The following SUGCT variants were observed in gnomAD, a reference collection of about 807,000 sequenced individuals.
The protein encoded by SUGCT is succinyl-CoA:glutarate-CoA transferase.
A neutral mutation model predicts 55.0 loss-of-function variants in SUGCT; 41 were observed. That is an observed-to-expected ratio of 0.74 (90% confidence interval 0.58 to 0.97). The LOEUF (loss-of-function observed/expected upper bound fraction) is 0.97. Among genes scored for constraint, SUGCT ranks in the 50% least tolerant of loss-of-function variants. The pLI is 0.00. For missense variants in SUGCT, 568 were observed against 547.8 expected (o/e 1.04, Z -0.37); for synonymous variants, 187 against 200.4 (o/e 0.93, Z 0.56).
At chr7:40,189,520 A>G (rs1785764870) in intron 4 of SUGCT, 24 bp from the exon 5 acceptor site, 3 of 856,412 alleles carry the variant, frequency 3.5e-6, no homozygotes, top group Non-Finnish European at 4.7e-6. Context: ...AATAATATAT[A>G]TATATATATT....
intron 1 of SUGCT, among the ~76,000 whole-genome samples, chr7:40,143,341 T>C (rs943149004): frequency 6.6e-6 from 1 of 152,166 alleles, no homozygotes; most frequent in Non-Finnish European, 1.5e-5. Flanking sequence ...GTTGGAGACA[T>C]GAGGTAAAAT....
intron 12 of SUGCT, among the ~76,000 whole-genome samples, chr7:40,649,714 C>G (rs535539807): frequency 2.0e-5 from 3 of 152,276 alleles, no homozygotes; most frequent in African/African-American, 7.2e-5. Flanking sequence ...CTTGCTCAAA[C>G]TAAAGGCGTC....
the SUGCT span, among the ~76,000 whole-genome samples, chr7:40,999,955 C>T: frequency 6.6e-6 from 1 of 152,222 alleles, no homozygotes; most frequent in African/African-American, 2.4e-5. Context: ...GTACCATGGG[C>T]CCCAAGCACA....
At chr7:40,383,927 C>A (rs545433772) in intron 9 of SUGCT, among the ~76,000 whole-genome samples, 3 of 152,094 alleles carry the variant, frequency 2.0e-5, no homozygotes, top group African/African-American at 4.8e-5. Flanking sequence ...GATCTCCCCC[C>A]GCTGCCCCAC....
At chr7:40,153,282 C>A in intron 1 of SUGCT, 2 of 399,830 alleles carry the variant, frequency 5.0e-6, no homozygotes, top group Non-Finnish European at 4.8e-6. Flanking sequence ...GAAACTGAGC[C>A]TCAAGTGTAA....
chr7:40,972,006 A>G, the SUGCT span, among the ~76,000 whole-genome samples: 3 of 152,196 alleles, frequency 2.0e-5, no homozygotes, highest in African/African-American at 4.8e-5. Flanking sequence ...CACCACCTAG[A>G]GAAAGCTCTG....
At chr7:40,234,853 G>A (rs1562598111) in intron 6 of SUGCT, among the ~76,000 whole-genome samples, 2 of 151,894 alleles carry the variant, frequency 1.3e-5, no homozygotes, top group Non-Finnish European at 2.9e-5. Flanking sequence ...AGGTTGCGGT[G>A]AGCCCCGACG....
chr7:40,980,841 C>T, the SUGCT span, among the ~76,000 whole-genome samples: 2 of 152,136 alleles, frequency 1.3e-5, no homozygotes, highest in Admixed American at 6.5e-5. Context: ...GGACCACAGG[C>T]ACACACCACC....
chr7:40,633,588 C>G (rs1461157505), intron 12 of SUGCT, among the ~76,000 whole-genome samples: 2 of 152,148 alleles, frequency 1.3e-5, no homozygotes. Context: ...CAAAATCAAG[C>G]AATCAGGTCT....
the SUGCT span, among the ~76,000 whole-genome samples, chr7:40,931,169 A>G: frequency 6.6e-6 from 1 of 152,326 alleles, no homozygotes; most frequent in South Asian, 2.1e-4. Flanking sequence ...TTCTGCATCT[A>G]TTAAGATAAT....
At chr7:40,518,255 C>T (rs1239218659) in intron 12 of SUGCT, among the ~76,000 whole-genome samples, 1 of 152,100 alleles carries the variant, frequency 6.6e-6, no homozygotes, top group African/African-American at 2.4e-5. Flanking sequence ...GCCTTGAAAC[C>T]AGTTATTTTG....
intron 12 of SUGCT, among the ~76,000 whole-genome samples, chr7:40,501,330 G>C (rs1471780869): frequency 6.6e-6 from 1 of 152,104 alleles, no homozygotes. Flanking sequence ...AAAATGGAGA[G>C]TTTAAGCTCC....
chr7:40,547,771 A>G (rs1023574883), intron 12 of SUGCT, among the ~76,000 whole-genome samples: 1 of 152,174 alleles, frequency 6.6e-6, no homozygotes, highest in South Asian at 2.1e-4. Flanking sequence ...ATACTCTGAT[A>G]TATTATCATT....
chr7:40,235,115 C>T (rs913255203), intron 6 of SUGCT, among the ~76,000 whole-genome samples: 7 of 151,616 alleles, frequency 4.6e-5, no homozygotes, highest in Non-Finnish European at 8.8e-5. Context: ...GTTTTAACAC[C>T]TTTTTTTAAT....
chr7:40,582,694 C>T (rs959740095), intron 12 of SUGCT, among the ~76,000 whole-genome samples: 20 of 152,084 alleles, frequency 1.3e-4, no homozygotes, highest in Admixed American at 1.3e-4. Flanking sequence ...AGTGCTCTGG[C>T]GTCGATAACT....
chr7:40,479,061 T>G (rs1790869092), intron 11 of SUGCT, among the ~76,000 whole-genome samples: 1 of 152,192 alleles, frequency 6.6e-6, no homozygotes, highest in Admixed American at 6.5e-5. Flanking sequence ...TGTGTGTATG[T>G]GTACCTATAT....
intron 13 of SUGCT, among the ~76,000 whole-genome samples, chr7:40,815,162 C>A (rs938067134): frequency 7.9e-5 from 12 of 152,212 alleles, no homozygotes; most frequent in Non-Finnish European, 1.6e-4. Context: ...GTCTGAGCTC[C>A]CTCCTCAGCC....
intron 6 of SUGCT, among the ~76,000 whole-genome samples, chr7:40,223,298 T>C (rs1788149380): frequency 6.6e-6 from 1 of 152,200 alleles, no homozygotes; most frequent in African/African-American, 2.4e-5. Context: ...TGACCTCAAG[T>C]GATCCACCCG....
At chr7:41,007,442 G>A in the SUGCT span, among the ~76,000 whole-genome samples, 4 of 152,264 alleles carry the variant, frequency 2.6e-5, no homozygotes, top group African/African-American at 4.8e-5. Context: ...TACTCAGCAC[G>A]GGAGCTCATG....
Sources: allele counts gnomAD v4.1 joint callset (sites outside exome capture counted in the v4.1 genomes callset), GRCh38; gene constraint gnomAD v4.1.1; transcripts MANE v1.5; gene names NCBI Gene and HGNC (gene_info 2026-07-23, HGNC 2026-07-21).